TXLNB: variants seen among roughly 807,000 people sequenced by gnomAD.
TXLNB encodes the protein beta-taxilin.
TXLNB carries 37 observed loss-of-function variants against 57.4 expected under a neutral mutation model. That is an observed-to-expected ratio of 0.64 (90% CI 0.50 to 0.85). The LOEUF (loss-of-function observed/expected upper bound fraction) is 0.85. TXLNB is among the 40% of genes least tolerant of loss of function. The pLI is 0.00. For synonymous variants in TXLNB, 302 were observed against 309.6 expected, an observed-to-expected ratio of 0.98 and a Z score of 0.26; for missense variants, 848 against 825.6, an observed-to-expected ratio of 1.03 and a Z score of -0.33.
the TXLNB span, among the ~76,000 whole-genome samples, chr6:139,191,288 C>T: frequency 1.3e-5 from 2 of 152,132 alleles, no homozygotes; most frequent in Admixed American, 6.5e-5. Context: ...CTTGGTGGCA[C>T]ATGCCTGTAA....
At chr6:139,173,768 T>A in the TXLNB span, among the ~76,000 whole-genome samples, 1 of 152,218 alleles carries the variant, frequency 6.6e-6, no homozygotes, top group Non-Finnish European at 1.5e-5. Context: ...TGTTGTAACT[T>A]TTAAGAGCTC....
chr6:139,302,049 C>A, the TXLNB span, among the ~76,000 whole-genome samples: 3 of 151,726 alleles, frequency 2.0e-5, no homozygotes, highest in Non-Finnish European at 4.4e-5. Flanking sequence ...ATTGAAACTA[C>A]GATGCTTTAT....
chr6:139,293,054 G>A (rs1351852251), upstream of TXLNB, among the ~76,000 whole-genome samples: 3 of 152,130 alleles, frequency 2.0e-5, no homozygotes, highest in Non-Finnish European at 4.4e-5. Flanking sequence ...AGGTAGGGAG[G>A]TTATCTTGAA....
rs1775942111 is a variant in TXLNB at position 139,241,881 on chromosome 6, A to T, written c.*645T>A. 6.6e-6 allele frequency: 1 copy of T among 152,232 alleles called. No individual in the cohort carries two copies. The highest frequency in any genetic ancestry group is 2.4e-5 in the African/African-American group (1 of 41,466). The allele number at this position is 152,232 out of a possible 1,614,324, so 9.4% of individuals were successfully genotyped here. ...TTAGTCAACCATAGTCTCAAGTGCA[A>T]GTAAGAGATCATTTTTTTGATTAGC... is the stretch of plus-strand genomic sequence containing the variant. On this transcript the variant is annotated 3_prime_UTR_variant, in exon 10 of 10. Transcript: ENST00000358430.
chr6:139,229,684 C>T, the TXLNB span, among the ~76,000 whole-genome samples: 3 of 152,232 alleles, frequency 2.0e-5, no homozygotes, highest in East Asian at 1.9e-4. Context: ...ACAAACTGCC[C>T]GTTCACATCC....
intron 1 of TXLNB, among the ~76,000 whole-genome samples, 183 bp from the exon 2 acceptor site, chr6:139,289,096 G>A (rs1256798791): frequency 2.0e-5 from 3 of 152,056 alleles, no homozygotes; most frequent in Admixed American, 6.6e-5. Context: ...CCCTCATATC[G>A]TCTTATGCCC....
At chr6:139,311,433 T>G in the TXLNB span, among the ~76,000 whole-genome samples, 1 of 149,598 alleles carries the variant, frequency 6.7e-6, no homozygotes, top group African/African-American at 2.5e-5. Context: ...AGTGTTCTAT[T>G]TGGTGATGAA....
At chr6:139,170,563 G>A in the TXLNB span, 83,478 of 152,106 alleles carry the variant, frequency 0.55, 23,833 homozygotes, top group Non-Finnish European at 0.59. Context: ...AGGAGGGAGT[G>A]CCTGCAAGCA....
At chr6:139,224,649 G>A in the TXLNB span, among the ~76,000 whole-genome samples, 1 of 151,792 alleles carries the variant, frequency 6.6e-6, no homozygotes, top group Admixed American at 6.6e-5. Context: ...AGATGCAATA[G>A]ATTAATATCT....
chr6:139,166,818 C>T, the TXLNB span: 4 of 1,613,528 alleles, frequency 2.5e-6, no homozygotes, highest in Admixed American at 1.7e-5. Context: ...GGTGGCTCCC[C>T]GGGCCAGTCC....
the TXLNB span, among the ~76,000 whole-genome samples, chr6:139,206,609 G>A: frequency 6.6e-6 from 1 of 151,866 alleles, no homozygotes; most frequent in African/African-American, 2.4e-5. Context: ...CAGAGGCGGA[G>A]GTTGTAGTTA....
At chr6:139,259,346 C>T (rs1776423426) in intron 6 of TXLNB, among the ~76,000 whole-genome samples, 1 of 152,210 alleles carries the variant, frequency 6.6e-6, no homozygotes, top group South Asian at 2.1e-4. Context: ...CAAAGCTACA[C>T]AGTTTGGCAC....
At chr6:139,217,643 C>T in the TXLNB span, among the ~76,000 whole-genome samples, 1 of 151,908 alleles carries the variant, frequency 6.6e-6, no homozygotes, top group Non-Finnish European at 1.5e-5. Flanking sequence ...CCAAGGAGGG[C>T]AGATCACGAG....
intron 3 of TXLNB, among the ~76,000 whole-genome samples, chr6:139,272,414 TC>T (rs1455987061): frequency 6.6e-6 from 1 of 152,208 alleles, no homozygotes; most frequent in Non-Finnish European, 1.5e-5. Flanking sequence ...CCTCTCTCCC[TC>T]CTGCCACCCT....
chr6:139,322,202 C>A, the TXLNB span, among the ~76,000 whole-genome samples: 1 of 152,108 alleles, frequency 6.6e-6, no homozygotes, highest in Non-Finnish European at 1.5e-5. Context: ...TAACAGAATA[C>A]CACAGAGTGG....
intron 6 of TXLNB, among the ~76,000 whole-genome samples, chr6:139,256,941 C>T (rs910195970): frequency 6.6e-6 from 1 of 152,180 alleles, no homozygotes; most frequent in African/African-American, 2.4e-5. Context: ...ACCTATTGGT[C>T]TAAATCCTGG....
chr6:139,313,833 C>T, the TXLNB span, among the ~76,000 whole-genome samples: 1 of 152,056 alleles, frequency 6.6e-6, no homozygotes, highest in Non-Finnish European at 1.5e-5. Flanking sequence ...ATGAACCATC[C>T]TCCCAGCCAA....
the TXLNB span, among the ~76,000 whole-genome samples, chr6:139,322,768 C>T: frequency 7.2e-5 from 11 of 152,356 alleles, no homozygotes; most frequent in East Asian, 2.1e-3. Context: ...TTATATCCCC[C>T]TTGTTCCTTC....
the TXLNB span, among the ~76,000 whole-genome samples, chr6:139,310,654 A>G: frequency 6.6e-6 from 1 of 152,210 alleles, no homozygotes; most frequent in African/African-American, 2.4e-5. Flanking sequence ...GTAAATTTTA[A>G]TATTGTTGCA....
Sources: allele counts gnomAD v4.1 joint callset (sites outside exome capture counted in the v4.1 genomes callset), GRCh38; gene constraint gnomAD v4.1.1; transcripts MANE v1.5; gene names NCBI Gene and HGNC (gene_info 2026-07-23, HGNC 2026-07-21).